Variants in CYP39A1 observed in about 807,000 individuals in gnomAD.
CYP39A1 encodes cytochrome P450 family 39 subfamily A member 1, also known as 24-hydroxycholesterol 7-alpha-hydroxylase.
Under a neutral mutation model 58.1 loss-of-function variants are expected in CYP39A1, and 49 were observed. The ratio of observed to expected loss-of-function variants is 0.84; its 90% CI spans 0.67 to 1.07. CYP39A1 has a LOEUF of 1.07. Among genes scored for constraint, CYP39A1 ranks in the 50% least tolerant of loss-of-function variants. CYP39A1 has a pLI of 0.00. For synonymous variants in CYP39A1, 209 were observed against 187.6 expected, an observed-to-expected ratio of 1.11 and a Z score of -0.93; for missense variants, 531 against 539.4, an observed-to-expected ratio of 0.98 and a Z score of 0.16.
chr6:46,557,862 G>A (rs1460108103), intron 10 of CYP39A1, among the ~76,000 whole-genome samples: 5 of 149,042 alleles, frequency 3.4e-5, no homozygotes, highest in Non-Finnish European at 5.9e-5. Context: ...CTTGAACTCC[G>A]GAGGCAGAGT....
chr6:46,559,860 CCATTCATT>C (rs776484133), intron 10 of CYP39A1, among the ~76,000 whole-genome samples: 1 of 152,070 alleles, frequency 6.6e-6, no homozygotes, highest in Non-Finnish European at 1.5e-5. Flanking sequence ...AATAAGACCC[CCATTCATT>C]CATTCATTCA....
At chr6:46,642,120 C>A (rs1776374628) in intron 2 of CYP39A1, 43 bp downstream of exon 2, 1 of 1,605,094 alleles carries the variant, frequency 6.2e-7, no homozygotes, top group East Asian at 2.2e-5. Context: ...CTCCTGGATT[C>A]CAATGTTGGA....
intron 7 of CYP39A1, among the ~76,000 whole-genome samples, chr6:46,613,939 CA>C (rs34289054): frequency 0.46 from 55,842 of 120,984 alleles, 12,526 homozygotes; most frequent in African/African-American, 0.65. Flanking sequence ...CACAAAGAAG[CA>C]AAAAAAAAAA....
chr6:46,550,080 T>C lies in CYP39A1; in HGVS notation c.*286A>G, dbSNP rs9958. ...TCTATTTAATGTTTTAATACAGTTA[T>C]GCATGAAATCAAATTCCAACTTCTT... On this transcript the variant is annotated 3_prime_UTR_variant, in exon 12 of 12. Coordinates refer to ENST00000275016, the MANE Select transcript of CYP39A1 (RefSeq NM_016593.5). The C allele has an allele frequency of 3.6e-6, 1 of 281,364 alleles. No homozygotes were observed. The highest frequency in any genetic ancestry group is 6.3e-5 in the East Asian group (1 of 15,958). 17.4% of individuals were successfully genotyped at this position (281,364 alleles called of 1,614,324 possible).
chr6:46,632,765 AC>A (rs1775739584), intron 5 of CYP39A1, among the ~76,000 whole-genome samples: 1 of 151,936 alleles, frequency 6.6e-6, no homozygotes, highest in Non-Finnish European at 1.5e-5. Context: ...TAGGATCCCA[AC>A]CCTGTGAGTC....
At chr6:46,596,153 A>G in intron 7 of CYP39A1, 33 bp from the exon 8 acceptor site, 1 of 1,544,054 alleles carries the variant, frequency 6.5e-7, no homozygotes, top group African/African-American at 1.4e-5. Flanking sequence ...AAATAAATAG[A>G]CTACAGAGGT....
chr6:46,599,598 C>T (rs993716166), intron 7 of CYP39A1, among the ~76,000 whole-genome samples: 3 of 152,206 alleles, frequency 2.0e-5, no homozygotes, highest in East Asian at 3.9e-4. Context: ...GTATCTTTCC[C>T]GCTATCCAAC....
intron 10 of CYP39A1, among the ~76,000 whole-genome samples, chr6:46,556,942 T>C (rs1461218056): frequency 1.3e-5 from 2 of 152,056 alleles, no homozygotes; most frequent in Admixed American, 1.3e-4. Context: ...TTAAAAATAG[T>C]TATTATACTC....
chr6:46,631,624 G>T (rs991989220), intron 5 of CYP39A1, among the ~76,000 whole-genome samples: 2 of 152,160 alleles, frequency 1.3e-5, no homozygotes, highest in Admixed American at 6.5e-5. Context: ...GCATTCAGGA[G>T]AAAACTACAC....
In CYP39A1 at chr6:46,639,099, G is replaced by A. The variant is rs185980226; in HGVS notation, c.488+395C>T. On this transcript the variant is annotated intron_variant, in intron 3 of 11. Transcript: ENST00000275016. ...CCATTCTCTCCCCTATCCTCTCAAC[G>A]TCCTCTCATTCTAATAATAGCAAAT... Among the ~76,000 whole-genome samples the A allele has an allele frequency of 3.6e-3, 540 of 152,052 alleles. 3 individuals carry two copies. Among genetic ancestry groups the A allele is most frequent in the African/African-American group, 0.012 (508 of 41,450 alleles).
chr6:46,589,895 G>C (rs1199911748), intron 8 of CYP39A1, among the ~76,000 whole-genome samples: 1 of 152,092 alleles, frequency 6.6e-6, no homozygotes, highest in Non-Finnish European at 1.5e-5. Flanking sequence ...TCATGACTTG[G>C]AGGCTGCTGA....
In CYP39A1 at chr6:46,588,070, A is replaced by T. The variant is rs1772579621; in HGVS notation, c.1125T>A (p.Asn375Lys). The change falls in exon 9 of 12, where the codon AAT becomes AAA. Residue 375 changes from asparagine to lysine, a missense_variant. Transcript: ENST00000275016. ...ATTCAGGCTCAGGAAAATACTTTGG[A>T]TTTCTATGCAGCCAAAATGGAGACA... ...LMLSPFWLHR[N>K]PKYFPEPELF... The T allele has an allele frequency of 6.3e-7, 1 of 1,593,970 alleles. No individual in the cohort carries two copies. The highest frequency in any genetic ancestry group is 8.5e-7 in the Non-Finnish European group (1 of 1,169,804).
At chr6:46,640,991 CTATGCTGGTATGTATAG>C (rs1361894974) in intron 2 of CYP39A1, among the ~76,000 whole-genome samples, 2 of 151,758 alleles carry the variant, frequency 1.3e-5, no homozygotes, top group Non-Finnish European at 2.9e-5. Flanking sequence ...TATACATATA[CTATGCTGGTATGTATAG>C]TATGCTACTA....
At chr6:46,593,222 G>C (rs1003251600) in intron 8 of CYP39A1, among the ~76,000 whole-genome samples, 3 of 152,068 alleles carry the variant, frequency 2.0e-5, no homozygotes, top group African/African-American at 7.2e-5. Flanking sequence ...GTGCAGATGG[G>C]GTATTGTGCA....
At chr6:46,561,106 T>C (rs1056780649) in intron 10 of CYP39A1, among the ~76,000 whole-genome samples, 1 of 152,192 alleles carries the variant, frequency 6.6e-6, no homozygotes, top group Non-Finnish European at 1.5e-5. Flanking sequence ...TGGCATTTCA[T>C]GTTTGGTAGA....
intron 8 of CYP39A1, among the ~76,000 whole-genome samples, chr6:46,593,352 T>C (rs1772955812): frequency 6.6e-6 from 1 of 152,086 alleles, no homozygotes; most frequent in South Asian, 2.1e-4. Context: ...CAACAAAAGT[T>C]ACAACTCCCT....
At chr6:46,575,920 T>C (rs916963796) in intron 10 of CYP39A1, among the ~76,000 whole-genome samples, 3 of 152,182 alleles carry the variant, frequency 2.0e-5, no homozygotes, top group Admixed American at 1.3e-4. Flanking sequence ...CATTCTCACG[T>C]TGATATAAAG....
chr6:46,641,835 A>G (rs1776355104), intron 2 of CYP39A1, among the ~76,000 whole-genome samples: 1 of 152,212 alleles, frequency 6.6e-6, no homozygotes, highest in African/African-American at 2.4e-5. Context: ...AGAACACTGT[A>G]TACACAGCAG....
At position 46,587,151 on chromosome 6, in the gene CYP39A1, C is replaced by T; in HGVS notation, c.1176G>A (p.Lys392=). The T allele has an allele frequency of 6.2e-7, 1 of 1,609,992 alleles. No individual in the cohort carries two copies. The highest frequency in any genetic ancestry group is 8.5e-7 in the Non-Finnish European group (1 of 1,177,914). Residue 392 remains lysine (K), a synonymous_variant, in exon 10 of 12, where the codon AAG becomes AAA. Coordinates refer to ENST00000275016, the MANE Select transcript of CYP39A1 (RefSeq NM_016593.5). ...PELFKPERWK[K]ANLEKHSFLD... ...AGAAAGAGTGCTTCTCTAAATTTGC[C>T]TTTTTCCAACGTTCCTGTGGGAAGA...
Sources: gnomAD v4.1 joint callset for allele counts (sites outside exome capture counted in the v4.1 genomes callset) on GRCh38, gnomAD v4.1.1 for gene constraint, MANE v1.5 for transcripts, NCBI Gene and HGNC (gene_info 2026-07-23, HGNC 2026-07-21) for gene names.